CEP120: variants seen among roughly 807,000 people sequenced by gnomAD.
CEP120 encodes centrosomal protein of 120 kDa.
Under a neutral mutation model 126.5 loss-of-function variants are expected in CEP120, and 113 were observed. The ratio of observed to expected loss-of-function variants is 0.89; its 90% confidence interval spans 0.77 to 1.04. The LOEUF (loss-of-function observed/expected upper bound fraction) is 1.04. Among genes scored for constraint, CEP120 ranks in the 50% least tolerant of loss-of-function variants. The pLI is 0.00. For synonymous variants in CEP120, 400 were observed against 394.3 expected (o/e 1.01, Z -0.17); for missense variants, 1,230 against 1,155.7 (o/e 1.06, Z -0.93).
chr5:123,384,192 A>C (rs1771860819), intron 11 of CEP120, among the ~76,000 whole-genome samples: 1 of 152,152 alleles, frequency 6.6e-6, no homozygotes, highest in African/African-American at 2.4e-5. Flanking sequence ...TTTAAGAAAG[A>C]TTCTTCAATA....
At chr5:123,415,172 A>G (rs564957800) in intron 3 of CEP120, among the ~76,000 whole-genome samples, 1 of 152,240 alleles carries the variant, frequency 6.6e-6, no homozygotes, top group East Asian at 1.9e-4. Context: ...TGCAAGGAGC[A>G]GGAAGCAGGG....
chr5:123,349,892 C>T, intron 19 of CEP120, 52 bp downstream of exon 19: 1 of 1,527,130 alleles, frequency 6.5e-7, no homozygotes, highest in Non-Finnish European at 9.0e-7. Flanking sequence ...CAAGTTGTAC[C>T]TTCCCTGAAC....
At chr5:123,422,822 G>A (rs1296641781) in intron 1 of CEP120, 128 bp downstream of exon 1, 3 of 910,426 alleles carry the variant, frequency 3.3e-6, no homozygotes, top group Admixed American at 3.8e-5. Context: ...GTACAACTTT[G>A]AACAAGTCTG....
At chr5:123,360,055 T>G (rs1769959933) in intron 18 of CEP120, among the ~76,000 whole-genome samples, 1 of 151,900 alleles carries the variant, frequency 6.6e-6, no homozygotes, top group South Asian at 2.1e-4. Context: ...CTGGCAGAGA[T>G]TACAGCCCCG....
chr5:123,369,154 TTAATG>T (rs1770678301), intron 17 of CEP120, among the ~76,000 whole-genome samples: 1 of 151,860 alleles, frequency 6.6e-6, no homozygotes, highest in Non-Finnish European at 1.5e-5. Context: ...ATTTTTTTCC[TTAATG>T]TAAAGATCAA....
chr5:123,370,399 G>C (rs1241589509), intron 17 of CEP120, among the ~76,000 whole-genome samples: 1 of 151,932 alleles, frequency 6.6e-6, no homozygotes, highest in Non-Finnish European at 1.5e-5. Context: ...TTCTCTCAAA[G>C]TACTCTTGGC....
Position 123,412,978 on chromosome 5 carries a change from T to C in CEP120, c.322-438A>G, listed in dbSNP as rs116220225. ...TTCGTTCTGCTTATATCAATAAGCA[T>C]AGGAAAATCTTGGATGGGTGGCTCA... On this transcript the variant is annotated intron_variant, in intron 3 of 19. Coordinates refer to ENST00000306467, the MANE Select transcript of CEP120 (RefSeq NM_001375405.1). Among the ~76,000 whole-genome samples the C allele has an allele frequency of 2.6e-3, 394 of 152,214 alleles. 2 individuals are homozygous for C. The highest frequency in any genetic ancestry group is 8.6e-3 in the African/African-American group (356 of 41,524).
chr5:123,347,270 C>T (rs1768893466), intron 19 of CEP120, among the ~76,000 whole-genome samples: 2 of 152,114 alleles, frequency 1.3e-5, no homozygotes, highest in East Asian at 1.9e-4. Flanking sequence ...ATCATTTAGT[C>T]ATCCTTTATT....
Position 123,423,155 on chromosome 5 carries a change from T to A in CEP120, c.-157A>T. ...GCAGCCAGGTCCCACCGCCGTCTGC[T>A]GCAGCGCGCCCGGCTCCTCTGCCTC... On this transcript the variant is annotated 5_prime_UTR_variant, in exon 1 of 20. Transcript: ENST00000306467. The A allele has an allele frequency of 1.6e-6, 1 of 640,224 alleles. No individual in the cohort carries two copies. The highest frequency in any genetic ancestry group is 2.8e-6 in the Non-Finnish European group (1 of 361,794). 39.7% of individuals were successfully genotyped at this position (640,224 alleles called of 1,614,324 possible).
intron 15 of CEP120, among the ~76,000 whole-genome samples, 159 bp from the exon 16 acceptor site, chr5:123,377,694 T>C (rs182389007): frequency 6.6e-6 from 1 of 152,280 alleles, no homozygotes. Context: ...AAGTGTACCA[T>C]TATAAGTTTT....
intron 1 of CEP120, chr5:123,422,685 T>A (rs1426466720): frequency 2.5e-5 from 20 of 814,788 alleles, no homozygotes; most frequent in Non-Finnish European, 3.5e-5. Flanking sequence ...ACGTGCTGCT[T>A]TGGATGAAAA....
chr5:123,414,739 G>A lies in CEP120; in HGVS notation c.321+1271C>T, dbSNP rs77367260. On this transcript the variant is annotated intron_variant, in intron 3 of 19. Coordinates refer to ENST00000306467, the MANE Select transcript of CEP120 (RefSeq NM_001375405.1). ...CCCAACACTCTGGGAGGCCAAGGCC[G>A]GTGGTTCATGAGGTCAGGAGATCGA... Among the ~76,000 whole-genome samples the A allele has an allele frequency of 4.0e-4, 61 of 152,132 alleles. No homozygotes were observed. In the East Asian group the frequency reaches 9.9e-3, roughly 25 times the overall value.
At chr5:123,392,009 C>A (rs1343245495) in intron 6 of CEP120, among the ~76,000 whole-genome samples, 1 of 151,822 alleles carries the variant, frequency 6.6e-6, no homozygotes, top group African/African-American at 2.4e-5. Flanking sequence ...ACTTGTTTTC[C>A]CTTACTATAT....
Position 123,418,722 on chromosome 5 carries a change from A to G in CEP120, c.50-207T>C, listed in dbSNP as rs7729285. Among the ~76,000 whole-genome samples the G allele has an allele frequency of 0.44, 66,479 of 151,306 alleles. 14,504 individuals are homozygous for G. The highest frequency in any genetic ancestry group is 0.48 in the East Asian group (2,453 of 5,120). The stretch of plus-strand genomic sequence containing the variant: ...CGCGATTCTCCTACCTGAGCCTCCC[A>G]AGTAGCTGGGATTACAGGTGCACAC... On this transcript the variant is annotated intron_variant, in intron 1 of 19. Transcript: ENST00000306467.
At chr5:123,402,145 T>C (rs1431731819) in intron 4 of CEP120, 21 of 1,585,282 alleles carry the variant, frequency 1.3e-5, no homozygotes, top group East Asian at 2.2e-5. Context: ...TGGTTGACTG[T>C]GACCGCGGTG....
chr5:123,401,187 A>G lies in CEP120; in HGVS notation c.464-1903T>C, dbSNP rs555401976. ...CAGCTTCTTGTAGGTGGCGATCTCG[A>G]TGTCCAGGGCCAGCCTGACGTTCAT... On this transcript the variant is annotated intron_variant, in intron 4 of 19. Transcript: ENST00000306467. The G allele has an allele frequency of 1.1e-5, 17 of 1,612,318 alleles. No homozygotes were observed. The African/African-American group carries it at 2.0e-4, about 19-fold the overall frequency.
At position 123,391,392 on chromosome 5, in the gene CEP120, A is replaced by C. The variant is rs955185785; in HGVS notation, c.811-55T>G. 2.3e-6 allele frequency: 3 copies of C among 1,325,268 alleles called. No individual in the cohort carries two copies. In the East Asian group the frequency reaches 6.9e-5, roughly 31 times the overall value. The allele number at this position is 1,325,268 out of a possible 1,614,324, so 82.1% of individuals were successfully genotyped here. Reference sequence around the variant, plus strand: ...GCTTTATACTTTCTCCTTTCTCCTAAATATCATAAACTTAATAAGAAGTTG... The same window carrying C: ...GCTTTATACTTTCTCCTTTCTCCTACATATCATAAACTTAATAAGAAGTTG... On this transcript the variant is annotated intron_variant, in intron 6 of 19. Transcript: ENST00000306467.
intron 8 of CEP120, among the ~76,000 whole-genome samples, chr5:123,389,494 C>T (rs1390957777): frequency 1.3e-5 from 2 of 151,718 alleles, no homozygotes; most frequent in South Asian, 2.1e-4. Flanking sequence ...TATTTCCACA[C>T]ATTACTGTTT....
At chr5:123,403,850 A>G (rs759286003) in intron 4 of CEP120, 3 of 235,084 alleles carry the variant, frequency 1.3e-5, no homozygotes, top group Admixed American at 5.5e-5. Flanking sequence ...TGGAAAGATC[A>G]AGGAACTATT....
Sources: gnomAD v4.1 joint callset for allele counts (sites outside exome capture counted in the v4.1 genomes callset) on GRCh38, gnomAD v4.1.1 for gene constraint, MANE v1.5 for transcripts, NCBI Gene and HGNC (gene_info 2026-07-23, HGNC 2026-07-21) for gene names.